The following SLC2A14 variants were observed in gnomAD, a reference collection of about 807,000 sequenced individuals.
SLC2A14 encodes the protein solute carrier family 2 member 14.
In SLC2A14, 13 loss-of-function variants were observed where a neutral mutation model predicts 43.0. That is an observed-to-expected ratio of 0.30 (90% CI 0.20 to 0.48). The LOEUF (loss-of-function observed/expected upper bound fraction) is 0.48. SLC2A14 is among the 20% of genes least tolerant of loss of function. SLC2A14 has a pLI of 0.99. For missense variants in SLC2A14, 428 were observed against 620.4 expected, an observed-to-expected ratio of 0.69 and a Z score of 3.29; for synonymous variants, 190 against 233.8, an observed-to-expected ratio of 0.81 and a Z score of 1.71.
At position 7,813,543 on chromosome 12, in the gene SLC2A14, A is replaced by T. The variant is rs1217711845; in HGVS notation, c.*773T>A. ...TAAAGATAAAGTTCCAAAGGAAATG[A>T]GTAGCTTTATTAAATAGGCATACAA... is the stretch of plus-strand genomic sequence containing the variant. On this transcript the variant is annotated 3_prime_UTR_variant, in exon 11 of 11. Coordinates refer to ENST00000431042, the MANE Select transcript of SLC2A14 (RefSeq NM_001286234.2). The T allele has an allele frequency of 6.6e-6, 1 of 152,260 alleles. No individual in the cohort carries two copies. Among genetic ancestry groups the T allele is most frequent in the African/African-American group, 2.4e-5 (1 of 41,470 alleles). The allele number at this position is 152,260 out of a possible 1,614,324, so 9.4% of individuals were successfully genotyped here. A position where few individuals can be genotyped will look rare whatever the true frequency, so the allele number is the denominator to read the frequency against.
Position 7,826,911 on chromosome 12 carries a change from T to TTCTTTCTTTC in SLC2A14, c.864+583_864+584insGAAAGAAAGA, listed in dbSNP as rs1555121889. ...TTTCTTTCTTTCTTTCTTTCTTTCTTTCTTTTTCCTTTTTCTTTCCTTTCC... is the reference window on the plus strand; with the variant it reads ...TTTCTTTCTTTCTTTCTTTCTTTCTTTCTTTCTTTCTCTTTTTCCTTTTTCTTTCCTTTCC... On this transcript the variant is annotated intron_variant, in intron 7 of 10. Transcript: ENST00000431042. Among the ~76,000 whole-genome samples, 50 of 126,372 alleles carry TTCTTTCTTTC rather than the reference T, an allele frequency of 4.0e-4. 2 individuals carry two copies. Among genetic ancestry groups the TTCTTTCTTTC allele is most frequent in the Non-Finnish European group, 7.1e-4 (41 of 57,528 alleles). The allele number at this position is 126,372 out of a possible 152,430, so 82.9% of individuals were successfully genotyped here.
chr12:7,849,822 T>C (rs987460141), intron 2 of SLC2A14, among the ~76,000 whole-genome samples: 63 of 151,024 alleles, frequency 4.2e-4, no homozygotes, highest in Admixed American at 3.4e-3. Context: ...GGAGAATCGC[T>C]TGAACCTGGG....
upstream of SLC2A14, among the ~76,000 whole-genome samples, chr12:7,874,834 T>A (rs1433408100): frequency 2.4e-5 from 2 of 83,956 alleles, no homozygotes; most frequent in Non-Finnish European, 5.2e-5. Flanking sequence ...AAATTATATA[T>A]AAATACGTAT....
At chr12:7,840,663 G>A (rs1239170280) in intron 2 of SLC2A14, among the ~76,000 whole-genome samples, 2 of 152,200 alleles carry the variant, frequency 1.3e-5, no homozygotes, top group Non-Finnish European at 2.9e-5. Context: ...TGGGATTACG[G>A]GCGTGAGGCA....
intron 2 of SLC2A14, among the ~76,000 whole-genome samples, chr12:7,864,382 C>T (rs917150835): frequency 6.6e-6 from 1 of 152,074 alleles, no homozygotes; most frequent in Non-Finnish European, 1.5e-5. Flanking sequence ...CTCTGTCGCC[C>T]AGGCTGAGTG....
chr12:7,877,391 G>A (rs988569484), upstream of SLC2A14, among the ~76,000 whole-genome samples: 1 of 151,934 alleles, frequency 6.6e-6, no homozygotes, highest in Non-Finnish European at 1.5e-5. Context: ...TCACTGCAGC[G>A]TCAACCTCCT....
At chr12:7,819,376 T>G (rs1336669032) in intron 9 of SLC2A14, 106 bp downstream of exon 9, 2 of 1,537,750 alleles carry the variant, frequency 1.3e-6, no homozygotes, top group African/African-American at 1.4e-5. Context: ...CTCCTCTGAC[T>G]TTATTGACAA....
At chr12:7,871,312 C>T (rs1174307241) in intron 1 of SLC2A14, 2 of 1,086,428 alleles carry the variant, frequency 1.8e-6, no homozygotes, top group African/African-American at 1.7e-5. Flanking sequence ...TAAAAAAAGA[C>T]AAGTTCAACT....
rs1346165171 is a variant in SLC2A14, at chr12:7,812,556, C to T, written c.*1760G>A. On this transcript the variant is annotated 3_prime_UTR_variant, in exon 11 of 11. Transcript: ENST00000431042. ...TTTTATTTTAAAACAAAGAATCAAA[C>T]AAACAATAATGGAAAATCCATATGG... 1.3e-5 allele frequency: 2 copies of T among 152,042 alleles called. No homozygotes were observed. Among genetic ancestry groups the T allele is most frequent in the African/African-American group, 4.8e-5 (2 of 41,396 alleles). 9.4% of individuals were successfully genotyped at this position (152,042 alleles called of 1,614,324 possible). A position where few individuals can be genotyped will look rare whatever the true frequency, so the allele number is the denominator to read the frequency against.
intron 10 of SLC2A14, among the ~76,000 whole-genome samples, chr12:7,815,716 A>G (rs1373310636): frequency 1.3e-5 from 2 of 151,844 alleles, no homozygotes; most frequent in East Asian, 3.9e-4. Context: ...AGCTGGGATT[A>G]CAGGTATGCA....
chr12:7,828,665 A>G lies in SLC2A14; in HGVS notation c.676+39T>C, dbSNP rs202056576. 222 of 1,608,508 alleles carry G rather than the reference A, an allele frequency of 1.4e-4. No individual in the cohort carries two copies. The African/African-American group carries it at 2.7e-3, about 19-fold the overall frequency. On this transcript the variant is annotated intron_variant, in intron 6 of 10. Coordinates refer to ENST00000431042, the MANE Select transcript of SLC2A14 (RefSeq NM_001286234.2). ...ACCCTCACCCTTAAAACAAACCACA[A>G]CCATATACTTTGTATACTAAAGAGT...
intron 1 of SLC2A14, chr12:7,871,818 G>A (rs980587086): frequency 4.0e-6 from 3 of 759,044 alleles, no homozygotes; most frequent in Non-Finnish European, 4.8e-6. Flanking sequence ...CCTCTCAGAG[G>A]ACAGGACACT....
chr12:7,842,573 G>A (rs750034813), intron 2 of SLC2A14, among the ~76,000 whole-genome samples: 1 of 152,208 alleles, frequency 6.6e-6, no homozygotes, highest in South Asian at 2.1e-4. Context: ...CTCTAGCAGT[G>A]CTCTAAAGCT....
At chr12:7,823,892 T>G (rs984440594) in intron 7 of SLC2A14, among the ~76,000 whole-genome samples, 3 of 152,172 alleles carry the variant, frequency 2.0e-5, no homozygotes, top group Admixed American at 6.6e-5. Context: ...GGATTTACCT[T>G]CTCAAGAAAT....
chr12:7,878,976 CAAAAAAA>C (rs58838986), intron 1 of SLC2A14, among the ~76,000 whole-genome samples: 9 of 69,322 alleles, frequency 1.3e-4, no homozygotes, highest in Admixed American at 2.2e-4. Context: ...GAGTCCGTCT[CAAAAAAA>C]AAAAAAAAAA....
intron 7 of SLC2A14, among the ~76,000 whole-genome samples, chr12:7,826,862 T>TCCTTCCTTCCTTCC (rs869102115): frequency 1.8e-3 from 57 of 30,836 alleles, no homozygotes; most frequent in Non-Finnish European, 2.9e-3. Context: ...TCCTTTCTTT[T>TCCTTCCTTCCTTCC]TTCTTTCTTT....
chr12:7,817,953 T>C lies in SLC2A14; in HGVS notation c.1153A>G (p.Ile385Val), dbSNP rs1285336623. The change falls in exon 10 of 11, where the codon ATT (isoleucine) becomes GTT (valine). Residue 385 changes from isoleucine to valine, a missense_variant. Physicochemically the swap from Ile to Val is conservative, Grantham distance 29. Transcript: ENST00000431042. Reference sequence around the variant, plus strand: ...AGTTCGGCCACAATAAACCAGGGAATGGGGCCTGGTCCAATTTCAAAACAG... The same window carrying C: ...AGTTCGGCCACAATAAACCAGGGAACGGGGCCTGGTCCAATTTCAAAACAG... ...VACFEIGPGPIPWFIVAELFS... is the reference protein window; with the variant it reads ...VACFEIGPGPVPWFIVAELFS... The C allele has an allele frequency of 6.2e-7, 1 of 1,614,098 alleles. No individual in the cohort carries two copies. The highest frequency in any genetic ancestry group is 8.5e-7 in the Non-Finnish European group (1 of 1,180,030).
chr12:7,844,226 C>T (rs964165917), intron 2 of SLC2A14, among the ~76,000 whole-genome samples: 2 of 152,094 alleles, frequency 1.3e-5, no homozygotes, highest in African/African-American at 4.8e-5. Flanking sequence ...TGTTCTTGAC[C>T]TTTAAATGGA....
At chr12:7,865,429 C>T (rs992848655) in intron 2 of SLC2A14, among the ~76,000 whole-genome samples, 2 of 151,506 alleles carry the variant, frequency 1.3e-5, no homozygotes, top group East Asian at 1.9e-4. Flanking sequence ...CCCAGCTACT[C>T]GGGAGGCTGA....
Sources: gnomAD v4.1 joint callset for allele counts (sites outside exome capture counted in the v4.1 genomes callset) on GRCh38, gnomAD v4.1.1 for gene constraint, MANE v1.5 for transcripts, NCBI Gene and HGNC (gene_info 2026-07-23, HGNC 2026-07-21) for gene names.